Variants in AUTS2 observed in about 807,000 individuals in gnomAD.
The protein encoded by AUTS2 is autism susceptibility gene 2 protein.
Under a neutral mutation model 112.4 loss-of-function variants are expected in AUTS2, and 17 were observed. That is an observed-to-expected ratio of 0.15 (90% CI 0.10 to 0.23). AUTS2 has a LOEUF of 0.23. Ranked by LOEUF, AUTS2 falls within the 10% of genes least tolerant of loss-of-function variation. AUTS2 has a pLI of 1.00. For missense variants in AUTS2, 1,510 were observed against 1,701.6 expected, an observed-to-expected ratio of 0.89 and a Z score of 1.98; for synonymous variants, 751 against 702.7, an observed-to-expected ratio of 1.07 and a Z score of -1.09.
At chr7:69,875,905 G>A (rs1215417521) in intron 1 of AUTS2, among the ~76,000 whole-genome samples, 2 of 152,060 alleles carry the variant, frequency 1.3e-5, no homozygotes, top group Non-Finnish European at 2.9e-5. Context: ...TTAGTAAATA[G>A]TTATTCACAA....
At chr7:69,931,373 A>G (rs1375247115) in intron 2 of AUTS2, among the ~76,000 whole-genome samples, 1 of 152,248 alleles carries the variant, frequency 6.6e-6, no homozygotes, top group Non-Finnish European at 1.5e-5. Context: ...ACATTACAGT[A>G]TAATCCACAT....
At chr7:70,041,702 T>G (rs917084370) in intron 2 of AUTS2, among the ~76,000 whole-genome samples, 1 of 149,212 alleles carries the variant, frequency 6.7e-6, no homozygotes, top group African/African-American at 2.6e-5. Context: ...GTTTAAAATC[T>G]TATCTGAGCC....
intron 1 of AUTS2, among the ~76,000 whole-genome samples, chr7:69,890,924 A>T (rs1362683700): frequency 6.6e-6 from 1 of 152,224 alleles, no homozygotes; most frequent in Non-Finnish European, 1.5e-5. Flanking sequence ...GTTGTTAGGG[A>T]TAATTATATG....
At chr7:70,141,932 C>T (rs188890589) in intron 4 of AUTS2, among the ~76,000 whole-genome samples, 1 of 152,324 alleles carries the variant, frequency 6.6e-6, no homozygotes, top group East Asian at 1.9e-4. Context: ...CTTCTGCCTA[C>T]ACACTATGTT....
At chr7:69,684,751 T>C (rs1475192359) in intron 1 of AUTS2, among the ~76,000 whole-genome samples, 1 of 152,238 alleles carries the variant, frequency 6.6e-6, no homozygotes, top group East Asian at 1.9e-4. Flanking sequence ...AGGAAGGACA[T>C]GAGAGTCTTA....
chr7:70,592,697 C>T (rs1803006432), intron 5 of AUTS2, among the ~76,000 whole-genome samples: 1 of 152,130 alleles, frequency 6.6e-6, no homozygotes, highest in South Asian at 2.1e-4. Context: ...TAGATGTCCT[C>T]TTTGCCTATT....
intron 2 of AUTS2, among the ~76,000 whole-genome samples, chr7:70,010,571 C>T (rs749200769): frequency 6.6e-6 from 1 of 152,226 alleles, no homozygotes; most frequent in Non-Finnish European, 1.5e-5. Flanking sequence ...AGCCGAGCAC[C>T]TGCTGACTCA....
intron 6 of AUTS2, among the ~76,000 whole-genome samples, chr7:70,739,285 C>T (rs1408264150): frequency 3.3e-5 from 5 of 151,416 alleles, no homozygotes; most frequent in African/African-American, 1.2e-4. Context: ...GCCTCGGTCT[C>T]CCGAGTAGCT....
chr7:70,464,959 C>T (rs563637494), intron 5 of AUTS2, among the ~76,000 whole-genome samples: 2 of 152,330 alleles, frequency 1.3e-5, no homozygotes, highest in East Asian at 3.9e-4. Context: ...TCCTCTGCCT[C>T]CCTCCATCTG....
At chr7:70,257,214 C>A in intron 4 of AUTS2, among the ~76,000 whole-genome samples, 1 of 152,110 alleles carries the variant, frequency 6.6e-6, no homozygotes, top group Admixed American at 6.6e-5. Flanking sequence ...AATCATAACT[C>A]ATTGCAACCT....
chr7:70,279,728 G>A (rs939207454), intron 4 of AUTS2, among the ~76,000 whole-genome samples: 5 of 152,204 alleles, frequency 3.3e-5, no homozygotes, highest in African/African-American at 1.2e-4. Context: ...ATGTACTGTT[G>A]AGAAGATTTA....
intron 1 of AUTS2, among the ~76,000 whole-genome samples, chr7:69,666,869 T>A (rs1562796750): frequency 6.6e-6 from 1 of 152,040 alleles, no homozygotes; most frequent in Non-Finnish European, 1.5e-5. Context: ...GCCCCTGCAC[T>A]CCAGCCTGGG....
chr7:70,662,045 G>C lies in AUTS2; in HGVS notation c.691-36524G>C, dbSNP rs532403903. ...AGATTGAAAGGGTGAGCAGACAATG[G>C]GGGGGCAGACACCTGAAGCCAGAGA... On this transcript the variant is annotated intron_variant, in intron 5 of 18. Transcript: ENST00000342771. Among the ~76,000 whole-genome samples, 375 of 152,312 alleles carry C rather than the reference G, an allele frequency of 2.5e-3. 3 individuals carry two copies. Among genetic ancestry groups the C allele is most frequent in the African/African-American group, 8.6e-3 (358 of 41,574 alleles).
chr7:70,596,583 T>G (rs1242427364), intron 5 of AUTS2: 4 of 152,298 alleles, frequency 2.6e-5, no homozygotes, highest in African/African-American at 9.6e-5. Flanking sequence ...CTTAGTCTTC[T>G]GGAAATGCGG....
chr7:69,809,678 C>T (rs1191825001), intron 1 of AUTS2, among the ~76,000 whole-genome samples: 1 of 152,288 alleles, frequency 6.6e-6, no homozygotes, highest in East Asian at 1.9e-4. Flanking sequence ...TGGCTGCCAT[C>T]TCAGAACAAG....
chr7:70,226,357 C>G (rs976586460), intron 4 of AUTS2, among the ~76,000 whole-genome samples: 1 of 111,280 alleles, frequency 9.0e-6, no homozygotes, highest in Non-Finnish European at 2.0e-5. Context: ...CCATGCCCGG[C>G]TAATTTTTTT....
intron 4 of AUTS2, 72 bp from the exon 5 acceptor site, chr7:70,435,680 G>T: frequency 1.3e-6 from 2 of 1,489,792 alleles, no homozygotes; most frequent in East Asian, 2.3e-5. Context: ...TGGGGGTTGG[G>T]GGAGGAGGCA....
At chr7:69,653,554 C>G (rs1795383971) in intron 1 of AUTS2, among the ~76,000 whole-genome samples, 1 of 151,868 alleles carries the variant, frequency 6.6e-6, no homozygotes, top group Non-Finnish European at 1.5e-5. Flanking sequence ...ACACCTGAAG[C>G]AAGAAATGTA....
At chr7:69,975,039 A>G (rs998484539) in intron 2 of AUTS2, among the ~76,000 whole-genome samples, 1 of 151,628 alleles carries the variant, frequency 6.6e-6, no homozygotes, top group Non-Finnish European at 1.5e-5. Context: ...GTAACTATTT[A>G]TTTATTTATT....
Sources: allele counts gnomAD v4.1 joint callset (sites outside exome capture counted in the v4.1 genomes callset), GRCh38; gene constraint gnomAD v4.1.1; transcripts MANE v1.5; gene names NCBI Gene and HGNC (gene_info 2026-07-23, HGNC 2026-07-21).